The following PDE10A variants were observed in gnomAD, a reference collection of about 807,000 sequenced individuals.
PDE10A encodes phosphodiesterase 10A, also known as cAMP and cAMP-inhibited cGMP 3',5'-cyclic phosphodiesterase 10A.
Under a neutral mutation model 97.7 loss-of-function variants are expected in PDE10A, and 39 were observed. The observed-to-expected ratio is 0.40, with a 90% CI of 0.31 to 0.52. The LOEUF (loss-of-function observed/expected upper bound fraction) is 0.52, where lower values mean the gene tolerates loss of function less well. PDE10A is among the 20% of genes least tolerant of loss of function. The pLI is 0.56. For synonymous variants in PDE10A, 371 were observed against 376.8 expected (o/e 0.98, Z 0.18); for missense variants, 731 against 1,047.8 (o/e 0.70, Z 4.17).
At chr6:165,922,472 G>A (rs936105347) in intron 1 of PDE10A, among the ~76,000 whole-genome samples, 3 of 152,322 alleles carry the variant, frequency 2.0e-5, no homozygotes, top group South Asian at 2.1e-4. Flanking sequence ...GTTAAGAAGC[G>A]AAACAGTAAA....
At chr6:165,472,160 G>C (rs993309406) in intron 3 of PDE10A, among the ~76,000 whole-genome samples, 5 of 151,808 alleles carry the variant, frequency 3.3e-5, no homozygotes, top group African/African-American at 1.2e-4. Context: ...AATTTTTTCA[G>C]TTTTTTCACT....
At chr6:165,699,910 C>T (rs1256487725) in intron 1 of PDE10A, among the ~76,000 whole-genome samples, 1 of 151,990 alleles carries the variant, frequency 6.6e-6, no homozygotes, top group Non-Finnish European at 1.5e-5. Flanking sequence ...CCTAACTTTT[C>T]ACCTTAAGAC....
chr6:165,820,170 T>C (rs1289807935), intron 1 of PDE10A, among the ~76,000 whole-genome samples: 2 of 152,334 alleles, frequency 1.3e-5, no homozygotes, highest in East Asian at 1.9e-4. Flanking sequence ...TTGAAAAAGA[T>C]ACAAATGAAT....
chr6:165,354,077 A>G (rs1376995125), intron 18 of PDE10A, among the ~76,000 whole-genome samples: 3 of 152,196 alleles, frequency 2.0e-5, no homozygotes, highest in African/African-American at 7.2e-5. Flanking sequence ...ATAGTTTCAA[A>G]TAAGATGGAA....
chr6:165,498,568 A>G (rs1164934122), intron 2 of PDE10A, among the ~76,000 whole-genome samples: 1 of 151,544 alleles, frequency 6.6e-6, no homozygotes, highest in Non-Finnish European at 1.5e-5. Flanking sequence ...GATTCTAGCA[A>G]TTCTCTGAGG....
chr6:165,778,200 A>G (rs185302354), intron 1 of PDE10A, among the ~76,000 whole-genome samples: 80 of 152,170 alleles, frequency 5.3e-4, no homozygotes, highest in South Asian at 4.8e-3. Flanking sequence ...TCTCCCGAGT[A>G]GCTGGGACTA....
At chr6:165,719,644 C>T (rs76339916) in intron 1 of PDE10A, among the ~76,000 whole-genome samples, 1,508 of 149,370 alleles carry the variant, frequency 0.01, 26 homozygotes, top group African/African-American at 0.036. Context: ...ACAGGTGTAA[C>T]CCAGGTGGGT....
chr6:165,447,511 C>T (rs147344619), intron 5 of PDE10A, among the ~76,000 whole-genome samples: 1 of 152,172 alleles, frequency 6.6e-6, no homozygotes, highest in East Asian at 1.9e-4. Context: ...AGTAATGTGA[C>T]GTGGACCACA....
intron 1 of PDE10A, among the ~76,000 whole-genome samples, chr6:165,833,705 T>C (rs1260281036): frequency 6.6e-6 from 1 of 152,256 alleles, no homozygotes; most frequent in African/African-American, 2.4e-5. Flanking sequence ...GAGATGTTCT[T>C]GTCCCATTTG....
intron 1 of PDE10A, among the ~76,000 whole-genome samples, chr6:165,954,239 G>C (rs1784060979): frequency 1.3e-5 from 2 of 152,328 alleles, no homozygotes; most frequent in South Asian, 2.1e-4. Flanking sequence ...TGTATGGAAA[G>C]ATGAAAATTT....
intron 2 of PDE10A, among the ~76,000 whole-genome samples, chr6:165,513,179 A>G (rs1397710301): frequency 1.3e-5 from 2 of 152,082 alleles, no homozygotes; most frequent in Non-Finnish European, 2.9e-5. Context: ...TAGCTCTTAC[A>G]GTAAGGCATA....
chr6:165,592,669 T>C (rs1786348147), intron 1 of PDE10A, among the ~76,000 whole-genome samples: 1 of 152,046 alleles, frequency 6.6e-6, no homozygotes, highest in African/African-American at 2.4e-5. Flanking sequence ...AAAGAAAACA[T>C]TTATGTGGCC....
intron 8 of PDE10A, among the ~76,000 whole-genome samples, 199 bp from the exon 9 acceptor site, chr6:165,430,544 T>G (rs935765613): frequency 7.9e-5 from 12 of 152,172 alleles, no homozygotes; most frequent in African/African-American, 2.9e-4. Context: ...CACTTTCTAT[T>G]TATTGTCTCA....
chr6:165,893,378 G>T (rs1781855401), intron 1 of PDE10A, among the ~76,000 whole-genome samples: 1 of 152,176 alleles, frequency 6.6e-6, no homozygotes, highest in African/African-American at 2.4e-5. Context: ...ACTCTCCTAA[G>T]TTAGGCTGTT....
At chr6:165,652,562 C>T (rs1460925713) in intron 1 of PDE10A, among the ~76,000 whole-genome samples, 1 of 152,178 alleles carries the variant, frequency 6.6e-6, no homozygotes, top group Non-Finnish European at 1.5e-5. Context: ...ACACAAATTA[C>T]ATCCTATACA....
At chr6:165,539,766 A>G (rs910419883) in intron 2 of PDE10A, among the ~76,000 whole-genome samples, 1 of 151,934 alleles carries the variant, frequency 6.6e-6, no homozygotes, top group African/African-American at 2.4e-5. Flanking sequence ...AATAAAAAAA[A>G]AAATACAAAT....
intron 17 of PDE10A, among the ~76,000 whole-genome samples, chr6:165,381,809 G>A (rs1243049820): frequency 2.0e-5 from 3 of 151,808 alleles, no homozygotes; most frequent in Non-Finnish European, 4.4e-5. Context: ...AGAGAATCTA[G>A]CATTTTGCTG....
rs545204250 is a variant in PDE10A at position 165,889,342 on chromosome 6, G to A, written c.-615+98187C>T. 7.1e-4 allele frequency among the ~76,000 whole-genome samples: 108 copies of A among 152,272 alleles called. 1 individual carries two copies. The South Asian group carries it at 0.021, about 30-fold the overall frequency. On this transcript the variant is annotated intron_variant, in intron 1 of 19. Coordinates refer to the PDE10A transcript ENST00000366882. ...ACACATTGTTACTTCTACAAAATGC[G>A]CTGTTGCTAGTTGTTTCCCAATCTG...
intron 13 of PDE10A, among the ~76,000 whole-genome samples, chr6:165,397,392 G>T (rs773993980): frequency 6.6e-6 from 1 of 152,060 alleles, no homozygotes; most frequent in South Asian, 2.1e-4. Context: ...CCATCTATAG[G>T]TAAGACTATC....
Sources: gnomAD v4.1 joint callset for allele counts (sites outside exome capture counted in the v4.1 genomes callset) on GRCh38, gnomAD v4.1.1 for gene constraint, MANE v1.5 for transcripts, NCBI Gene and HGNC (gene_info 2026-07-23, HGNC 2026-07-21) for gene names.